KCNJ16: variants seen among roughly 807,000 people sequenced by gnomAD.
KCNJ16 encodes inward rectifier potassium channel 16.
Under a neutral mutation model 18.5 loss-of-function variants are expected in KCNJ16, and 15 were observed. The ratio of observed to expected loss-of-function variants is 0.81; its 90% CI spans 0.54 to 1.25. The LOEUF is 1.25. Ranked by LOEUF, KCNJ16 falls within the 50% of genes most tolerant of loss-of-function variation. KCNJ16 has a pLI of 0.00. For missense variants in KCNJ16, 523 were observed against 525.7 expected, an observed-to-expected ratio of 0.99 and a Z score of 0.05; for synonymous variants, 174 against 186.5, an observed-to-expected ratio of 0.93 and a Z score of 0.55.
chr17:70,092,576 TA>T (rs1366267928), intron 1 of KCNJ16, among the ~76,000 whole-genome samples: 8 of 150,046 alleles, frequency 5.3e-5, no homozygotes, highest in East Asian at 1.9e-4. Context: ...TATAGATAGA[TA>T]GATAGATAGA....
Position 70,134,132 on chromosome 17 carries a change from TCACGTCC to T in KCNJ16, c.*792_*798del, listed in dbSNP as rs2074154222. 1 of 167,128 alleles carries T rather than the reference TCACGTCC, an allele frequency of 6.0e-6. No homozygotes were observed. Among genetic ancestry groups the T allele is most frequent in the South Asian group, 2.1e-4 (1 of 4,836 alleles). The allele number at this position is 167,128 out of a possible 1,614,324, so 10.4% of individuals were successfully genotyped here. ...TCTCTGAGGAGGGGACTTTCTATGT[TCACGTCC>T]CACCTTCTTCGAGGACATGACCAAG... is the stretch of plus-strand genomic sequence containing the variant. On this transcript the variant is annotated 3_prime_UTR_variant, in exon 4 of 4. Transcript: ENST00000392671.
At chr17:70,091,922 A>C (rs2072107724) in intron 1 of KCNJ16, among the ~76,000 whole-genome samples, 1 of 152,114 alleles carries the variant, frequency 6.6e-6, no homozygotes, top group Admixed American at 6.5e-5. Context: ...CTTGGGTGAG[A>C]GCTGTAATTT....
At position 70,132,039 on chromosome 17, in the gene KCNJ16, A is replaced by G; in HGVS notation, c.-49A>G. 1 of 1,611,944 alleles carries G rather than the reference A, an allele frequency of 6.2e-7. No individual in the cohort carries two copies. The highest frequency in any genetic ancestry group is 8.5e-7 in the Non-Finnish European group (1 of 1,179,428). On this transcript the variant is annotated 5_prime_UTR_variant, in exon 4 of 4. Transcript: ENST00000392671. ...ACCAAGAAATAGCAACAAGTCTAGAATTCTTACTACTACAAAACTCACCTG... is the reference window on the plus strand; with the variant it reads ...ACCAAGAAATAGCAACAAGTCTAGAGTTCTTACTACTACAAAACTCACCTG...
chr17:70,113,256 T>G (rs972327633), intron 2 of KCNJ16, among the ~76,000 whole-genome samples: 1 of 152,224 alleles, frequency 6.6e-6, no homozygotes, highest in Non-Finnish European at 1.5e-5. Context: ...GGAAAAGTCT[T>G]AACCCTAGTC....
Position 70,114,937 on chromosome 17 carries a change from T to G in KCNJ16, c.-191+14171T>G, listed in dbSNP as rs544571900. On this transcript the variant is annotated intron_variant, in intron 2 of 3. Transcript: ENST00000392671. The stretch of plus-strand genomic sequence containing the variant: ...AAAAACTAAACAATACCACCTAGTA[T>G]GAAAGGAGGTTTAGAAACACAGCTT... Among the ~76,000 whole-genome samples the G allele has an allele frequency of 2.5e-4, 38 of 152,270 alleles. No homozygotes were observed. The South Asian group carries it at 3.1e-3, about 12-fold the overall frequency.
At chr17:70,117,112 T>G (rs190211767) in intron 2 of KCNJ16, among the ~76,000 whole-genome samples, 1 of 152,162 alleles carries the variant, frequency 6.6e-6, no homozygotes, top group Non-Finnish European at 1.5e-5. Flanking sequence ...TATGGAATAC[T>G]ACACAGCCAT....
chr17:70,092,099 G>GC (rs1567782111), intron 1 of KCNJ16, among the ~76,000 whole-genome samples: 1 of 152,126 alleles, frequency 6.6e-6, no homozygotes, highest in African/African-American at 2.4e-5. Context: ...ATGAACCATA[G>GC]CAAGTTCCTA....
At chr17:70,115,916 T>C (rs1354032718) in intron 2 of KCNJ16, among the ~76,000 whole-genome samples, 3 of 152,226 alleles carry the variant, frequency 2.0e-5, no homozygotes, top group East Asian at 1.9e-4. Flanking sequence ...CTGGGCTATT[T>C]ATAGCTGCCT....
chr17:70,093,620 G>GA (rs1340445697), intron 1 of KCNJ16, among the ~76,000 whole-genome samples: 1 of 152,086 alleles, frequency 6.6e-6, no homozygotes, highest in Non-Finnish European at 1.5e-5. Flanking sequence ...GTGATGACAA[G>GA]AAAATGAGAG....
In KCNJ16 at chr17:70,135,576, C is replaced by T. The variant is rs1393719605; in HGVS notation, c.*2232C>T. The T allele has an allele frequency of 6.0e-6, 1 of 166,090 alleles. No individual in the cohort carries two copies. The highest frequency in any genetic ancestry group is 1.5e-5 in the Non-Finnish European group (1 of 68,100). 10.3% of individuals were successfully genotyped at this position (166,090 alleles called of 1,614,324 possible). On this transcript the variant is annotated 3_prime_UTR_variant, in exon 4 of 4. Transcript: ENST00000392671. ...ATACTTTGACAACCCCAGTGAGTTACTTAATAATAAAGATCTTAAAATAAT... is the reference window on the plus strand; with the variant it reads ...ATACTTTGACAACCCCAGTGAGTTATTTAATAATAAAGATCTTAAAATAAT...
intron 1 of KCNJ16, among the ~76,000 whole-genome samples, chr17:70,082,712 A>C (rs1361206363): frequency 1.3e-5 from 2 of 152,078 alleles, no homozygotes; most frequent in African/African-American, 4.8e-5. Context: ...ATCTTTATGG[A>C]GTAGGTGGCC....
At chr17:70,092,549 T>C (rs199817599) in intron 1 of KCNJ16, among the ~76,000 whole-genome samples, 18,904 of 121,218 alleles carry the variant, frequency 0.16, 1,958 homozygotes, top group East Asian at 0.25. Flanking sequence ...TATAGATAGA[T>C]ATAGATAGAT....
At chr17:70,099,596 G>A (rs1156689978) in intron 1 of KCNJ16, among the ~76,000 whole-genome samples, 4 of 152,050 alleles carry the variant, frequency 2.6e-5, no homozygotes, top group Non-Finnish European at 5.9e-5. Flanking sequence ...AGGAGCTGGG[G>A]CAATAAATGC....
In KCNJ16 at chr17:70,133,110, C is replaced by G. The variant is rs2074122053; in HGVS notation, c.1023C>G (p.Ala341=). The change falls in exon 4 of 4, where the codon GCC becomes GCG. Residue 341 remains alanine (A), a synonymous_variant. Transcript: ENST00000392671. ...SVEVYAPFCS[A]KQLDWKDQQL... ...AAGTATATGCCCCCTTTTGCAGTGC[C>G]AAGCAATTGGACTGGAAAGACCAGC... 1.2e-6 allele frequency: 2 copies of G among 1,614,010 alleles called. No individual in the cohort carries two copies. The highest frequency in any genetic ancestry group is 2.7e-5 in the African/African-American group (2 of 74,886).
chr17:70,123,376 T>C (rs2144168514), intron 2 of KCNJ16, among the ~76,000 whole-genome samples: 1 of 152,332 alleles, frequency 6.6e-6, no homozygotes, highest in East Asian at 1.9e-4. Context: ...CCTTTGCAAA[T>C]ATTGTTTTCT....
At chr17:70,113,442 G>T (rs1307605614) in intron 2 of KCNJ16, among the ~76,000 whole-genome samples, 1 of 152,182 alleles carries the variant, frequency 6.6e-6, no homozygotes, top group Non-Finnish European at 1.5e-5. Context: ...CAATACTTCA[G>T]ATATAGTTGA....
At chr17:70,101,666 A>G (rs7208354) in intron 2 of KCNJ16, 126,757 of 151,938 alleles carry the variant, frequency 0.83, 53,030 homozygotes, top group East Asian at 0.96. Context: ...TGCAAACTCC[A>G]CCTCCCAGGT....
chr17:70,093,517 A>C (rs922079776), intron 1 of KCNJ16, among the ~76,000 whole-genome samples: 21 of 152,030 alleles, frequency 1.4e-4, no homozygotes, highest in Non-Finnish European at 4.4e-5. Flanking sequence ...ATCTGCAAAG[A>C]CCCTATTTCC....
chr17:70,077,116 C>T (rs560646558), intron 1 of KCNJ16, among the ~76,000 whole-genome samples: 21 of 152,136 alleles, frequency 1.4e-4, no homozygotes, highest in African/African-American at 4.6e-4. Flanking sequence ...GTGTGCCTGG[C>T]GAGTTAACAA....
Sources: gnomAD v4.1 joint callset for allele counts (sites outside exome capture counted in the v4.1 genomes callset) on GRCh38, gnomAD v4.1.1 for gene constraint, MANE v1.5 for transcripts, NCBI Gene and HGNC (gene_info 2026-07-23, HGNC 2026-07-21) for gene names.